The following KRIT1 variants were observed in gnomAD, a reference collection of about 807,000 sequenced individuals.
KRIT1 encodes the protein KRIT1 ankyrin repeat containing, also known as krev interaction trapped protein 1.
KRIT1 carries 45 observed loss-of-function variants against 95.8 expected under a neutral mutation model. The ratio of observed to expected loss-of-function variants is 0.47; its 90% CI spans 0.37 to 0.60. KRIT1 has a LOEUF of 0.60. Ranked by LOEUF, KRIT1 falls within the 20% of genes least tolerant of loss-of-function variation. The pLI is 0.00. For synonymous variants in KRIT1, 282 were observed against 278.8 expected, an observed-to-expected ratio of 1.01 and a Z score of -0.11; for missense variants, 788 against 877.5, an observed-to-expected ratio of 0.90 and a Z score of 1.29.
chr7:92,221,819 C>T lies in KRIT1; in HGVS notation c.1563+83G>A, dbSNP rs1584872090. Reference sequence around the variant, plus strand: ...AAGGATCGATTTAAGGATGTAAGCACAATTTCTGCCTCTAGTGCTTACAAT... The same window carrying T: ...AAGGATCGATTTAAGGATGTAAGCATAATTTCTGCCTCTAGTGCTTACAAT... On this transcript the variant is annotated intron_variant, in intron 14 of 18. Coordinates refer to ENST00000394505, the MANE Select transcript of KRIT1 (RefSeq NM_194454.3). The T allele has an allele frequency of 2.1e-5, 25 of 1,190,078 alleles. 1 individual carries two copies. In the South Asian group the frequency reaches 3.0e-4, roughly 14 times the overall value. 73.7% of individuals were successfully genotyped at this position (1,190,078 alleles called of 1,614,324 possible).
chr7:92,225,430 C>T (rs1018004547), intron 12 of KRIT1, among the ~76,000 whole-genome samples: 21 of 152,172 alleles, frequency 1.4e-4, no homozygotes, highest in African/African-American at 4.3e-4. Flanking sequence ...GTCTCAGCCT[C>T]CTGAGTAGCT....
At chr7:92,205,396 G>A (rs1230854444) in intron 17 of KRIT1, among the ~76,000 whole-genome samples, 1 of 151,966 alleles carries the variant, frequency 6.6e-6, no homozygotes. Flanking sequence ...AATAAAAACT[G>A]GGTTTACAGT....
chr7:92,223,823 C>T (rs182766423), intron 12 of KRIT1, among the ~76,000 whole-genome samples: 4 of 152,274 alleles, frequency 2.6e-5, no homozygotes, highest in Non-Finnish European at 5.9e-5. Flanking sequence ...AAAGTAGTAG[C>T]ATTCTCAATG....
rs1160176604 is a variant in KRIT1 at position 92,235,629 on chromosome 7, T to C, written c.503A>G (p.His168Arg). 2 of 1,613,876 alleles carry C rather than the reference T, an allele frequency of 1.2e-6. No individual in the cohort carries two copies. The highest frequency in any genetic ancestry group is 1.7e-5 in the Admixed American group (1 of 60,018). ...IALDKWLDER[H>R]AQSHFIPALF... ...AGCTGGAATAAAGTGAGATTGTGCA[T>C]GACGTTCATCTAACCACCTGGCAAA... The change falls in exon 8 of 19, where the codon CAT becomes CGT. Residue 168 changes from histidine to arginine, a missense_variant. Transcript: ENST00000394505.
chr7:92,226,722 A>C (rs775170131), intron 10 of KRIT1, 40 bp from the exon 11 acceptor site: 1 of 1,587,870 alleles, frequency 6.3e-7, no homozygotes. Context: ...AACAACAAAA[A>C]AAACTTACCT....
chr7:92,204,567 G>A (rs1179730236), intron 17 of KRIT1, among the ~76,000 whole-genome samples: 1 of 151,862 alleles, frequency 6.6e-6, no homozygotes, highest in African/African-American at 2.4e-5. Flanking sequence ...CCCATCTGGG[G>A]GTGATGGGAG....
chr7:92,201,007 G>A (rs1790010481), intron 18 of KRIT1, among the ~76,000 whole-genome samples: 1 of 152,156 alleles, frequency 6.6e-6, no homozygotes. Context: ...CAGCTAGGGG[G>A]CACAGGTAGG....
Position 92,238,388 on chromosome 7 carries a change from G to A in KRIT1, c.263-629C>T, listed in dbSNP as rs557247076. On this transcript the variant is annotated intron_variant, in intron 5 of 18. Coordinates refer to ENST00000394505, the MANE Select transcript of KRIT1 (RefSeq NM_194454.3). ...TCCTCACACTAAGAAACAGAACCTC[G>A]TTCCTGCCCCAGGTAGAAATGCCTA... is the stretch of plus-strand genomic sequence containing the variant. Among the ~76,000 whole-genome samples the A allele has an allele frequency of 7.9e-5, 12 of 152,266 alleles. No individual in the cohort carries two copies. The South Asian group carries it at 1.2e-3, about 16-fold the overall frequency.
Position 92,241,080 on chromosome 7 carries a change from G to A in KRIT1, c.175C>T (p.Gln59Ter), listed in dbSNP as rs1192358468. 1.2e-6 allele frequency: 2 copies of A among 1,610,684 alleles called. No individual in the cohort carries two copies. The highest frequency in any genetic ancestry group is 1.7e-5 in the Admixed American group (1 of 59,984). Reference sequence around the variant, plus strand: ...CCTTGTGTTATTTCACTGTTGCCTTGAAGTTTCGTTTCCAATAAAACTTTC... The same window carrying A: ...CCTTGTGTTATTTCACTGTTGCCTTAAAGTTTCGTTTCCAATAAAACTTTC... ...RKKVLLETKL[Q>*]GNSEITQGIL... Residue 59 changes from glutamine to a stop codon, truncating the protein, a stop_gained, in exon 5 of 19, where the codon CAA becomes TAA. Transcript: ENST00000394505. LOFTEE classifies it high-confidence loss of function.
At position 92,234,966 on chromosome 7, in the gene KRIT1, T is replaced by C. The variant is rs761979669; in HGVS notation, c.730-43A>G. On this transcript the variant is annotated intron_variant, in intron 8 of 18. Coordinates refer to ENST00000394505, the MANE Select transcript of KRIT1 (RefSeq NM_194454.3). ...TAACAAAAACCCATTAAGAGCTTTG[T>C]CATCTTAATGTTTACATGTTTATAT... is the stretch of plus-strand genomic sequence containing the variant. 1.2e-5 allele frequency: 11 copies of C among 889,994 alleles called. No individual in the cohort carries two copies. In the African/African-American group the frequency reaches 1.3e-4, roughly 11 times the overall value. The allele number at this position is 889,994 out of a possible 1,614,324, so 55.1% of individuals were successfully genotyped here. A position where few individuals can be genotyped will look rare whatever the true frequency, so the allele number is the denominator to read the frequency against.
At chr7:92,229,947 C>T (rs955916705) in intron 10 of KRIT1, among the ~76,000 whole-genome samples, 5 of 151,952 alleles carry the variant, frequency 3.3e-5, no homozygotes, top group African/African-American at 1.2e-4. Context: ...AATCATCTCA[C>T]TGAAAAGAAT....
At chr7:92,220,688 CTTTTTT>C (rs960417752) in intron 14 of KRIT1, among the ~76,000 whole-genome samples, 1 of 98,958 alleles carries the variant, frequency 1.0e-5, no homozygotes, top group Admixed American at 1.3e-4. Flanking sequence ...ATTCATCCTT[CTTTTTT>C]TTTTTTTTTT....
chr7:92,207,662 G>A (rs1791872739), intron 17 of KRIT1, among the ~76,000 whole-genome samples: 1 of 152,170 alleles, frequency 6.6e-6, no homozygotes, highest in African/African-American at 2.4e-5. Context: ...TTTGAGACCA[G>A]CGTGGGCAAC....
intron 10 of KRIT1, among the ~76,000 whole-genome samples, chr7:92,232,787 G>A (rs1013963144): frequency 2.6e-5 from 4 of 151,948 alleles, no homozygotes; most frequent in Admixed American, 1.3e-4. Flanking sequence ...TCCGCCTCGC[G>A]GGTTCACACC....
rs144972546 is a variant in KRIT1, at chr7:92,204,609, A to G, written c.2026-3186T>C. On this transcript the variant is annotated intron_variant, in intron 17 of 18. Coordinates refer to ENST00000394505, the MANE Select transcript of KRIT1 (RefSeq NM_194454.3). ...ACAGATCATCAGGCATTACATTCTC[A>G]TAAGGGGCATGAAACCTAGATCCCT... is the stretch of plus-strand genomic sequence containing the variant. 3.6e-3 allele frequency among the ~76,000 whole-genome samples: 549 copies of G among 152,052 alleles called. 1 individual carries two copies. The highest frequency in any genetic ancestry group is 6.0e-3 in the Non-Finnish European group (406 of 67,980).
intron 10 of KRIT1, among the ~76,000 whole-genome samples, chr7:92,227,415 T>G (rs1417735714): frequency 6.6e-6 from 1 of 151,794 alleles, no homozygotes; most frequent in African/African-American, 2.4e-5. Flanking sequence ...ATACAAAAAT[T>G]AGGCGGGCAT....
intron 15 of KRIT1, among the ~76,000 whole-genome samples, chr7:92,214,368 CATAAAGAAAG>C (rs1200709098): frequency 5.3e-5 from 8 of 151,838 alleles, no homozygotes; most frequent in Middle Eastern, 3.4e-3. Flanking sequence ...CTTATTTAAG[CATAAAGAAAG>C]ATAAAGAAAA....
chr7:92,231,090 G>A (rs1001277610), intron 10 of KRIT1, among the ~76,000 whole-genome samples: 1 of 152,148 alleles, frequency 6.6e-6, no homozygotes, highest in African/African-American at 2.4e-5. Context: ...AGAAGACACT[G>A]ATTTGATTCA....
chr7:92,233,993 T>C (rs1366121645), intron 10 of KRIT1, among the ~76,000 whole-genome samples: 4 of 152,196 alleles, frequency 2.6e-5, no homozygotes, highest in Admixed American at 6.5e-5. Context: ...ATGAAGGCTT[T>C]TGAGGGCTTC....
Sources: allele counts gnomAD v4.1 joint callset (sites outside exome capture counted in the v4.1 genomes callset), GRCh38; gene constraint gnomAD v4.1.1; transcripts MANE v1.5; gene names NCBI Gene and HGNC (gene_info 2026-07-23, HGNC 2026-07-21).